Variants in IGFL2 observed in about 807,000 individuals in gnomAD.
IGFL2 encodes IGF like family member 2, also known as insulin growth factor-like family member 2.
A neutral mutation model predicts 13.9 loss-of-function variants in IGFL2; 7 were observed. The ratio of observed to expected loss-of-function variants is 0.51; its 90% CI spans 0.29 to 0.95. IGFL2 has a LOEUF of 0.95. Among genes scored for constraint, IGFL2 ranks in the 40% least tolerant of loss-of-function variants. The pLI is 0.08. For missense variants in IGFL2, 138 were observed against 147.8 expected (o/e 0.93, Z 0.34); for synonymous variants, 55 against 55.8 (o/e 0.99, Z 0.07).
the IGFL2 span, among the ~76,000 whole-genome samples, chr19:46,084,090 T>G: frequency 6.6e-6 from 1 of 152,248 alleles, no homozygotes; most frequent in Non-Finnish European, 1.5e-5. Context: ...TCCCATGTCT[T>G]TGTACTGTTT....
downstream of IGFL2, chr19:46,161,318 CTTTT>C (rs71175262): frequency 2.4e-3 from 568 of 238,216 alleles, no homozygotes; most frequent in Middle Eastern, 6.3e-3. Context: ...CGTCTCCTTT[CTTTT>C]TTTTTTTTTT....
At chr19:46,187,325 A>G in the IGFL2 span, among the ~76,000 whole-genome samples, 2 of 150,922 alleles carry the variant, frequency 1.3e-5, no homozygotes, top group African/African-American at 4.9e-5. Flanking sequence ...GGTGTGTGCT[A>G]CCTGATCAGA....
At chr19:46,092,161 GTGT>G in the IGFL2 span, among the ~76,000 whole-genome samples, 2,047 of 152,140 alleles carry the variant, frequency 0.013, 14 homozygotes, top group Middle Eastern at 0.045. Context: ...TACTAACTTT[GTGT>G]TGTTGTTTGT....
the IGFL2 span, among the ~76,000 whole-genome samples, chr19:46,110,589 G>A: frequency 1.3e-5 from 2 of 152,120 alleles, no homozygotes; most frequent in Admixed American, 6.5e-5. Flanking sequence ...TTATAATTAG[G>A]AACCAGTTTT....
the IGFL2 span, among the ~76,000 whole-genome samples, chr19:46,101,821 A>G: frequency 6.6e-6 from 1 of 152,270 alleles, no homozygotes; most frequent in East Asian, 1.9e-4. Flanking sequence ...GTGTGGGCTC[A>G]TGAGTGAGAT....
At chr19:46,101,915 G>A in the IGFL2 span, among the ~76,000 whole-genome samples, 8 of 152,316 alleles carry the variant, frequency 5.3e-5, no homozygotes, top group Non-Finnish European at 1.0e-4. Context: ...AAGAGAGAAC[G>A]TTAGAGAGAG....
the IGFL2 span, among the ~76,000 whole-genome samples, chr19:46,120,841 A>G: frequency 6.6e-6 from 1 of 150,956 alleles, no homozygotes; most frequent in Non-Finnish European, 1.5e-5. Context: ...AATGAGAAAT[A>G]TTGAAGGTAA....
At chr19:46,179,746 T>G in the IGFL2 span, among the ~76,000 whole-genome samples, 1 of 151,998 alleles carries the variant, frequency 6.6e-6, no homozygotes, top group African/African-American at 2.4e-5. Flanking sequence ...TGAAACTCCA[T>G]CTCTGCTGAA....
chr19:46,175,000 G>A, the IGFL2 span, among the ~76,000 whole-genome samples: 1 of 152,106 alleles, frequency 6.6e-6, no homozygotes, highest in East Asian at 1.9e-4. Flanking sequence ...TCAAGAATCT[G>A]GGTGTTCAAA....
At chr19:46,169,042 A>G in the IGFL2 span, among the ~76,000 whole-genome samples, 6 of 151,896 alleles carry the variant, frequency 4.0e-5, no homozygotes, top group Admixed American at 2.6e-4. Flanking sequence ...TAGCTCCACA[A>G]ATTTTTCTTT....
the IGFL2 span, among the ~76,000 whole-genome samples, chr19:46,191,220 C>G: frequency 6.6e-6 from 1 of 152,048 alleles, no homozygotes; most frequent in African/African-American, 2.4e-5. Context: ...AAAACAGATA[C>G]TACAAAACTC....
chr19:46,155,300 C>T (rs1973757431), intron 1 of IGFL2, among the ~76,000 whole-genome samples: 1 of 152,152 alleles, frequency 6.6e-6, no homozygotes, highest in African/African-American at 2.4e-5. Flanking sequence ...AACTGTAGCC[C>T]TAGGCTGGGA....
At chr19:46,137,540 A>G in the IGFL2 span, 2 of 1,060,866 alleles carry the variant, frequency 1.9e-6, no homozygotes, top group Non-Finnish European at 1.5e-6. Context: ...GTCCAAGGGA[A>G]TGTCCATGGA....
At chr19:46,136,018 A>G in the IGFL2 span, among the ~76,000 whole-genome samples, 2 of 152,114 alleles carry the variant, frequency 1.3e-5, no homozygotes, top group Non-Finnish European at 2.9e-5. Flanking sequence ...AGCTGCATTT[A>G]ATATTTTTTC....
chr19:46,206,029 G>A, the IGFL2 span, among the ~76,000 whole-genome samples: 13 of 152,136 alleles, frequency 8.5e-5, no homozygotes, highest in African/African-American at 2.9e-4. Context: ...GATAAACAGG[G>A]CTACTAGAAA....
the IGFL2 span, chr19:46,120,277 C>T: frequency 6.2e-7 from 1 of 1,608,414 alleles, no homozygotes; most frequent in African/African-American, 1.4e-5. Flanking sequence ...CGATGTCCAG[C>T]TGCTTCGTCT....
the IGFL2 span, among the ~76,000 whole-genome samples, chr19:46,133,287 GAAAGAGGGCC>G: frequency 1.3e-5 from 2 of 152,316 alleles, no homozygotes; most frequent in East Asian, 3.9e-4. Context: ...ACTTTCTGCA[GAAAGAGGGCC>G]GCTTGCTAGC....
At chr19:46,151,009 G>C (rs921448177) in intron 1 of IGFL2, among the ~76,000 whole-genome samples, 3 of 152,086 alleles carry the variant, frequency 2.0e-5, no homozygotes, top group Admixed American at 1.3e-4. Context: ...CCCTGCAGTG[G>C]ATCTCTAAAA....
the IGFL2 span, among the ~76,000 whole-genome samples, chr19:46,206,408 G>A: frequency 1.3e-5 from 2 of 152,160 alleles, no homozygotes; most frequent in African/African-American, 4.8e-5. Context: ...AGAAAACCAG[G>A]CCAAATGCCA....
Sources: allele counts gnomAD v4.1 joint callset (sites outside exome capture counted in the v4.1 genomes callset), GRCh38; gene constraint gnomAD v4.1.1; transcripts MANE v1.5; gene names NCBI Gene and HGNC (gene_info 2026-07-23, HGNC 2026-07-21).